TNKS: variants seen among roughly 807,000 people sequenced by gnomAD.
The protein encoded by TNKS is poly [ADP-ribose] polymerase tankyrase-1.
In TNKS, 72 loss-of-function variants were observed where a neutral mutation model predicts 135.8. That is an observed-to-expected ratio of 0.53 (90% CI 0.44 to 0.64). TNKS has a LOEUF of 0.64. Ranked by LOEUF, TNKS falls within the 30% of genes least tolerant of loss-of-function variation. The pLI is 0.00. For synonymous variants in TNKS, 849 were observed against 649.3 expected, an observed-to-expected ratio of 1.31 and a Z score of -4.68; for missense variants, 1,769 against 1,674.0, an observed-to-expected ratio of 1.06 and a Z score of -0.99.
intron 1 of TNKS, among the ~76,000 whole-genome samples, chr8:9,572,576 A>T (rs1000938511): frequency 6.6e-6 from 1 of 152,220 alleles, no homozygotes; most frequent in African/African-American, 2.4e-5. Flanking sequence ...TATAGCAGAT[A>T]CGTTTTCTCC....
rs1801529460 is a variant in TNKS at position 9,658,432 on chromosome 8, G to T, written c.995-21519G>T. ...CCATCCTCCCGGCGGTCGGGCGGCG[G>T]CGGCTGCCAAGAAAAGAATTTTCAA... On this transcript the variant is annotated intron_variant, in intron 3 of 26. Coordinates refer to ENST00000310430, the MANE Select transcript of TNKS (RefSeq NM_003747.3). 2.4e-6 allele frequency: 3 copies of T among 1,231,002 alleles called. 1 individual carries two copies. The South Asian group carries it at 4.6e-5, about 19-fold the overall frequency. 76.3% of individuals were successfully genotyped at this position (1,231,002 alleles called of 1,614,324 possible).
chr8:9,659,502 A>G lies in TNKS; in HGVS notation c.995-20449A>G, dbSNP rs530294512. On this transcript the variant is annotated intron_variant, in intron 3 of 26. Coordinates refer to ENST00000310430, the MANE Select transcript of TNKS (RefSeq NM_003747.3). The stretch of plus-strand genomic sequence containing the variant: ...TAATGACTACTGGGTACCTAACAAA[A>G]TGAAGGCAGAAATAAAGATGTTCTT... Among the ~76,000 whole-genome samples the G allele has an allele frequency of 9.2e-5, 14 of 152,338 alleles. No homozygotes were observed. The East Asian group carries it at 2.7e-3, about 29-fold the overall frequency.
intron 3 of TNKS, among the ~76,000 whole-genome samples, chr8:9,653,331 G>T (rs1361003093): frequency 1.3e-5 from 2 of 152,056 alleles, no homozygotes; most frequent in Non-Finnish European, 1.5e-5. Context: ...GACTGTCTCT[G>T]TTTCTGTAAA....
chr8:9,781,622 G>A lies in TNKS; in HGVS notation c.*4886G>A, dbSNP rs1808460230. The A allele has an allele frequency of 6.6e-6, 1 of 152,554 alleles. No homozygotes were observed. Among genetic ancestry groups the A allele is most frequent in the Non-Finnish European group, 1.5e-5 (1 of 68,036 alleles). 9.5% of individuals were successfully genotyped at this position (152,554 alleles called of 1,614,324 possible). A position where few individuals can be genotyped will look rare whatever the true frequency, so the allele number is the denominator to read the frequency against. ...CTCATCTTATCTTTGTAGTAGTAAT[G>A]TTTGTCTTTGATACCTACAAACTAA... is the stretch of plus-strand genomic sequence containing the variant. On this transcript the variant is annotated 3_prime_UTR_variant, in exon 27 of 27. Coordinates refer to ENST00000310430, the MANE Select transcript of TNKS (RefSeq NM_003747.3).
chr8:9,583,897 GC>G (rs1798265956), intron 2 of TNKS, among the ~76,000 whole-genome samples: 1 of 151,744 alleles, frequency 6.6e-6, no homozygotes, highest in South Asian at 2.1e-4. Flanking sequence ...GGGTGCGGTG[GC>G]TCACTCCTGT....
At chr8:9,735,641 A>G (rs998476493) in intron 17 of TNKS, among the ~76,000 whole-genome samples, 155 bp downstream of exon 17, 1 of 152,110 alleles carries the variant, frequency 6.6e-6, no homozygotes, top group African/African-American at 2.4e-5. Context: ...TCTACTAAAA[A>G]TACAAAAAAT....
intron 3 of TNKS, among the ~76,000 whole-genome samples, chr8:9,621,223 G>C (rs1799853651): frequency 1.3e-5 from 2 of 152,044 alleles, no homozygotes; most frequent in African/African-American, 4.8e-5. Flanking sequence ...TCTTATGATT[G>C]AGAACATTCC....
chr8:9,750,021 C>T (rs924619522), intron 18 of TNKS, among the ~76,000 whole-genome samples: 1 of 152,150 alleles, frequency 6.6e-6, no homozygotes, highest in African/African-American at 2.4e-5. Flanking sequence ...AAAGCTCCAC[C>T]CACAAATCTT....
intron 2 of TNKS, among the ~76,000 whole-genome samples, chr8:9,584,152 A>G (rs1273385230): frequency 6.8e-6 from 1 of 147,708 alleles, no homozygotes; most frequent in Non-Finnish European, 1.5e-5. Context: ...TGACAGAGCA[A>G]GACTCTGTCT....
At chr8:9,628,186 T>C (rs142469096) in intron 3 of TNKS, among the ~76,000 whole-genome samples, 1 of 152,214 alleles carries the variant, frequency 6.6e-6, no homozygotes, top group African/African-American at 2.4e-5. Flanking sequence ...AAACATTCTT[T>C]TGTGTCAATT....
intron 20 of TNKS, among the ~76,000 whole-genome samples, chr8:9,757,596 C>T (rs569830354): frequency 6.6e-6 from 1 of 152,256 alleles, no homozygotes; most frequent in South Asian, 2.1e-4. Flanking sequence ...GCCCCCCTTG[C>T]AACCGTGACC....
At chr8:9,662,249 A>G (rs918766380) in intron 3 of TNKS, among the ~76,000 whole-genome samples, 13 of 152,360 alleles carry the variant, frequency 8.5e-5, no homozygotes, top group African/African-American at 2.4e-4. Flanking sequence ...TACTGGGTAT[A>G]TACCCAAAGG....
chr8:9,669,267 A>C (rs943795413), intron 3 of TNKS, among the ~76,000 whole-genome samples: 1 of 151,460 alleles, frequency 6.6e-6, no homozygotes, highest in African/African-American at 2.4e-5. Flanking sequence ...AAATACAAAA[A>C]ATTAGCCGGG....
At position 9,724,957 on chromosome 8, in the gene TNKS, T is replaced by A. The variant is rs550999913; in HGVS notation, c.1922-1684T>A. 5.3e-5 allele frequency among the ~76,000 whole-genome samples: 4 copies of A among 75,114 alleles called. No individual in the cohort carries two copies. The East Asian group carries it at 1.6e-3, about 30-fold the overall frequency. 49.3% of individuals were successfully genotyped at this position (75,114 alleles called of 152,430 possible). ...GCTGTCATCGAAAAATACTCAGTTA[T>A]AACTCTATATACATAAACAATTGTC... On this transcript the variant is annotated intron_variant, in intron 12 of 26. Transcript: ENST00000310430.
intron 25 of TNKS, 29 bp from the exon 26 acceptor site, chr8:9,770,077 C>G (rs1807729837): frequency 1.3e-6 from 2 of 1,572,192 alleles, no homozygotes; most frequent in Admixed American, 1.8e-5. Flanking sequence ...AAGCTTCCTT[C>G]AAAGCATTGT....
chr8:9,766,472 A>G (rs1807453291), intron 25 of TNKS, 47 bp downstream of exon 25: 1 of 1,357,620 alleles, frequency 7.4e-7, no homozygotes, highest in African/African-American at 1.5e-5. Flanking sequence ...CTAGGTCACG[A>G]ACCAAATTGT....
chr8:9,750,060 A>G (rs1012787825), intron 18 of TNKS, among the ~76,000 whole-genome samples: 5 of 152,246 alleles, frequency 3.3e-5, no homozygotes, highest in South Asian at 4.1e-4. Flanking sequence ...CTAACATGGA[A>G]TCCAAGTAAA....
intron 1 of TNKS, among the ~76,000 whole-genome samples, chr8:9,571,721 A>C (rs1313969870): frequency 6.6e-6 from 1 of 152,124 alleles, no homozygotes; most frequent in Non-Finnish European, 1.5e-5. Flanking sequence ...GCCTCAGCCT[A>C]CCAAAGTGCT....
Position 9,680,885 on chromosome 8 carries a change from C to G in TNKS, c.1107+85C>G, listed in dbSNP as rs1224985681. 2.0e-5 allele frequency: 18 copies of G among 918,740 alleles called. No individual in the cohort carries two copies. In the East Asian group the frequency reaches 4.4e-4, roughly 23 times the overall value. 56.9% of individuals were successfully genotyped at this position (918,740 alleles called of 1,614,324 possible). On this transcript the variant is annotated intron_variant, in intron 5 of 26. Transcript: ENST00000310430. ...GCATATATATATATAAGCACGTATA[C>G]CTACATGGCTTTATTTTAACTGGCA...
Sources: allele counts gnomAD v4.1 joint callset (sites outside exome capture counted in the v4.1 genomes callset), GRCh38; gene constraint gnomAD v4.1.1; transcripts MANE v1.5; gene names NCBI Gene and HGNC (gene_info 2026-07-23, HGNC 2026-07-21).